GK5: variants seen among roughly 807,000 people sequenced by gnomAD.
GK5 encodes the protein glycerol kinase 5.
Under a neutral mutation model 77.3 loss-of-function variants are expected in GK5, and 39 were observed. The observed-to-expected ratio is 0.50, with a 90% CI of 0.39 to 0.66. The LOEUF (loss-of-function observed/expected upper bound fraction) is 0.66, where lower values mean the gene tolerates loss of function less well. Ranked by LOEUF, GK5 falls within the 30% of genes least tolerant of loss-of-function variation. The pLI is 0.00. For missense variants in GK5, 487 were observed against 633.8 expected (o/e 0.77, Z 2.49); for synonymous variants, 211 against 208.0 (o/e 1.01, Z -0.13).
intron 7 of GK5, 86 bp from the exon 8 acceptor site, chr3:142,186,353 A>C (rs2063769973): frequency 1.0e-6 from 1 of 985,840 alleles, no homozygotes; most frequent in Non-Finnish European, 1.5e-6. Flanking sequence ...GTTGTACATG[A>C]TATATTTGTC....
In GK5 at chr3:142,218,803, AAG is replaced by A. The variant is rs1220511507; in HGVS notation, c.148-3113_148-3112del. Among the ~76,000 whole-genome samples, 8 of 152,332 alleles carry A rather than the reference AAG, an allele frequency of 5.3e-5. No homozygotes were observed. In the East Asian group the frequency reaches 7.7e-4, roughly 15 times the overall value. ...CAAAAGATACTGTTAAGAAAATAAAAAGACAAAAGTACAGACTGGTAGAAAAT... is the reference window on the plus strand; with the variant it reads ...CAAAAGATACTGTTAAGAAAATAAAAACAAAAGTACAGACTGGTAGAAAAT... On this transcript the variant is annotated intron_variant, in intron 1 of 15. Transcript: ENST00000392993.
At chr3:142,185,759 T>C (rs1434493599) in intron 9 of GK5, 170 bp downstream of exon 9, 15 of 1,558,054 alleles carry the variant, frequency 9.6e-6, no homozygotes, top group Non-Finnish European at 1.2e-5. Context: ...CCCAAAAATA[T>C]AGCAGATATT....
At chr3:142,210,713 C>T (rs1292675034) in intron 3 of GK5, among the ~76,000 whole-genome samples, 1 of 152,228 alleles carries the variant, frequency 6.6e-6, no homozygotes, top group Non-Finnish European at 1.5e-5. Flanking sequence ...ACCACCACCA[C>T]CAGTAAGGAA....
intron 11 of GK5, among the ~76,000 whole-genome samples, chr3:142,180,467 T>C (rs1354209154): frequency 6.6e-6 from 1 of 151,966 alleles, no homozygotes; most frequent in Non-Finnish European, 1.5e-5. Flanking sequence ...CATGCCCGGC[T>C]AATTTTGTAT....
rs545703761 is a variant in GK5 at position 142,225,405 on chromosome 3, G to A, written c.51C>T (p.Tyr17=). ...DPEQRAQEPR[Y]PGFVLGLDVG... ...CATCCAGCCCCAGCACGAAGCCGGG[G>A]TACCGCGGCTCCTGCGCTCTCTGCT... The change falls in exon 1 of 16, where the codon TAC becomes TAT. Residue 17 remains tyrosine, a synonymous_variant. Transcript: ENST00000392993. 26 of 1,600,172 alleles carry A rather than the reference G, an allele frequency of 1.6e-5. No individual in the cohort carries two copies. The highest frequency in any genetic ancestry group is 1.2e-4 in the Admixed American group (7 of 58,970).
At chr3:142,220,887 T>A (rs368630488) in intron 1 of GK5, among the ~76,000 whole-genome samples, 57 of 152,192 alleles carry the variant, frequency 3.7e-4, no homozygotes, top group African/African-American at 1.4e-3. Context: ...AAAGTCTTTA[T>A]AAGGAGCCCC....
intron 11 of GK5, among the ~76,000 whole-genome samples, chr3:142,179,531 T>C (rs938911337): frequency 6.6e-6 from 1 of 152,102 alleles, no homozygotes; most frequent in Non-Finnish European, 1.5e-5. Context: ...AAAAAATTGG[T>C]TTTAAAATCT....
chr3:142,178,522 C>T (rs1300413372), intron 11 of GK5, among the ~76,000 whole-genome samples: 1 of 151,978 alleles, frequency 6.6e-6, no homozygotes, highest in Admixed American at 6.6e-5. Context: ...TAACTGACAC[C>T]CAGGTCAAGA....
intron 3 of GK5, among the ~76,000 whole-genome samples, chr3:142,210,232 A>T (rs997105006): frequency 2.0e-5 from 3 of 152,200 alleles, no homozygotes; most frequent in Non-Finnish European, 1.5e-5. Context: ...TTCTATGGCC[A>T]TGAGGACAGA....
At chr3:142,181,223 C>A (rs1465291307) in intron 11 of GK5, among the ~76,000 whole-genome samples, 1 of 152,052 alleles carries the variant, frequency 6.6e-6, no homozygotes, top group Non-Finnish European at 1.5e-5. Context: ...CTCTCCTTAC[C>A]CACTAATATT....
chr3:142,181,554 A>G lies in GK5; in HGVS notation c.955T>C (p.Leu319=), dbSNP rs759275104. ...TCTTGCCCAATCTTCCACCCAATTA[A>G]TGGATAAAAGCCTTGCAAAACAAAC... ...LQQTTGGFYP[L]IGWKIGQEVV... Residue 319 remains leucine (L), a synonymous_variant, in exon 11 of 16, where the codon TTA becomes CTA. Transcript: ENST00000392993. The G allele has an allele frequency of 6.2e-7, 1 of 1,611,066 alleles. No homozygotes were observed. Among genetic ancestry groups the G allele is most frequent in the Non-Finnish European group, 8.5e-7 (1 of 1,177,628 alleles).
intron 7 of GK5, 87 bp from the exon 8 acceptor site, chr3:142,186,354 T>C: frequency 1.0e-6 from 1 of 981,362 alleles, no homozygotes. Context: ...TTGTACATGA[T>C]ATATTTGTCA....
Position 142,182,931 on chromosome 3 carries a change from G to T in GK5, c.935C>A (p.Thr312Asn). ...DINTGNSLQQ[T>N]TGGFYPLIGW... ...AAATCCTAACTACTTACCTCCAGTA[G>T]TCTGTTGAAGGCTATTTCCAGTGTT... The change falls in exon 10 of 16, where the codon ACT becomes AAT. Residue 312 changes from threonine (T) to asparagine (N), a missense_variant. This residue lies in a region of GK5 where 323 missense variants were observed against 437.4 expected (regional missense o/e 0.74). Transcript: ENST00000392993. 6.2e-7 allele frequency: 1 copy of T among 1,607,270 alleles called. No individual in the cohort carries two copies. Among genetic ancestry groups the T allele is most frequent in the Non-Finnish European group, 8.5e-7 (1 of 1,173,906 alleles).
At chr3:142,211,964 C>T (rs1278229131) in intron 3 of GK5, among the ~76,000 whole-genome samples, 1 of 152,192 alleles carries the variant, frequency 6.6e-6, no homozygotes, top group Non-Finnish European at 1.5e-5. Context: ...GCCCATTCCT[C>T]CTTACATTCT....
At chr3:142,192,289 G>A (rs1300176856) in intron 5 of GK5, among the ~76,000 whole-genome samples, 3 of 152,188 alleles carry the variant, frequency 2.0e-5, no homozygotes, top group Non-Finnish European at 4.4e-5. Flanking sequence ...CTACTTTGGA[G>A]GATAGCTTGA....
At chr3:142,178,836 T>C (rs983762098) in intron 11 of GK5, among the ~76,000 whole-genome samples, 1 of 152,222 alleles carries the variant, frequency 6.6e-6, no homozygotes. Flanking sequence ...CTTTAACAGA[T>C]AACTGCCAAA....
At chr3:142,181,422 T>C (rs767186497) in intron 11 of GK5, 39 bp downstream of exon 11, 32 of 1,228,496 alleles carry the variant, frequency 2.6e-5, no homozygotes, top group Non-Finnish European at 3.3e-5. Context: ...TTGAATTCTT[T>C]AGGTCTGGCT....
chr3:142,168,794 C>G (rs1263936238), intron 15 of GK5, among the ~76,000 whole-genome samples: 4 of 145,782 alleles, frequency 2.7e-5, no homozygotes, highest in Middle Eastern at 3.5e-3. Flanking sequence ...CCGAACTCCT[C>G]TTTATGAGGA....
chr3:142,222,266 A>T (rs4683677), intron 1 of GK5, among the ~76,000 whole-genome samples: 105,549 of 151,920 alleles, frequency 0.69, 36,998 homozygotes, highest in African/African-American at 0.76. Context: ...TTGTTTTTTT[A>T]AAAAATTTCT....
Sources: gnomAD v4.1 joint callset for allele counts (sites outside exome capture counted in the v4.1 genomes callset) on GRCh38, gnomAD v4.1.1 for gene constraint, gnomAD v4.1.1 regional missense constraint, MANE v1.5 for transcripts, NCBI Gene and HGNC (gene_info 2026-07-23, HGNC 2026-07-21) for gene names.